LINGO2: variants seen among roughly 807,000 people sequenced by gnomAD.
The protein encoded by LINGO2 is leucine-rich repeat and immunoglobulin-like domain-containing nogo receptor-interacting protein 2.
A neutral mutation model predicts 30.6 loss-of-function variants in LINGO2; 14 were observed. That is an observed-to-expected ratio of 0.46 (90% CI 0.30 to 0.72). The LOEUF is 0.72. Ranked by LOEUF, LINGO2 falls within the 30% of genes least tolerant of loss-of-function variation. LINGO2 has a pLI of 0.07. For missense variants in LINGO2, 729 were observed against 751.7 expected (o/e 0.97, Z 0.35); for synonymous variants, 317 against 288.5 (o/e 1.10, Z -1.00).
chr9:29,013,372 T>C, the LINGO2 span, among the ~76,000 whole-genome samples: 1 of 131,636 alleles, frequency 7.6e-6, no homozygotes, highest in Non-Finnish European at 1.7e-5. Context: ...GAGCATCTAA[T>C]TTAATATTTT....
intron 3 of LINGO2, among the ~76,000 whole-genome samples, chr9:28,348,604 G>A (rs2134427637): frequency 6.6e-6 from 1 of 152,310 alleles, no homozygotes; most frequent in East Asian, 1.9e-4. Context: ...GCTTGATTAG[G>A]TAAACAAAGC....
rs189083803 is a variant in LINGO2, at chr9:28,144,877, T to G, written c.-86-132472A>C. Among the ~76,000 whole-genome samples, 94 of 152,312 alleles carry G rather than the reference T, an allele frequency of 6.2e-4. 1 individual carries two copies. Among genetic ancestry groups the G allele is most frequent in the South Asian group, 2.3e-3 (11 of 4,826 alleles). ...GATTGAGATCAGTGATTGAGTTGCA[T>G]CCCAGTTACAAAAACTGGATGGACT... On this transcript the variant is annotated intron_variant, in intron 4 of 5. Coordinates refer to ENST00000379992, the Ensembl canonical transcript of LINGO2.
At chr9:28,835,908 T>A in the LINGO2 span, among the ~76,000 whole-genome samples, 1 of 152,180 alleles carries the variant, frequency 6.6e-6, no homozygotes, top group Non-Finnish European at 1.5e-5. Flanking sequence ...GTTCTCTACA[T>A]CTCTTTTCTC....
At chr9:29,112,309 T>G in the LINGO2 span, among the ~76,000 whole-genome samples, 2 of 152,060 alleles carry the variant, frequency 1.3e-5, no homozygotes, top group African/African-American at 4.8e-5. Flanking sequence ...TTGGCAGAAG[T>G]GCAATTTTTT....
the LINGO2 span, among the ~76,000 whole-genome samples, chr9:29,044,963 C>A: frequency 6.6e-6 from 1 of 151,832 alleles, no homozygotes; most frequent in Non-Finnish European, 1.5e-5. Flanking sequence ...GTAAATATTT[C>A]TCTCTCTCTT....
intron 4 of LINGO2, among the ~76,000 whole-genome samples, chr9:28,225,868 G>T (rs1821127134): frequency 6.6e-6 from 1 of 152,042 alleles, no homozygotes; most frequent in African/African-American, 2.4e-5. Flanking sequence ...AATTCCATAA[G>T]ATTGAAACAA....
At chr9:28,806,727 A>G in the LINGO2 span, among the ~76,000 whole-genome samples, 16 of 152,116 alleles carry the variant, frequency 1.1e-4, no homozygotes, top group African/African-American at 3.9e-4. Context: ...AACAATATAA[A>G]GATAATGCTT....
chr9:28,796,610 TTAAG>T, the LINGO2 span, among the ~76,000 whole-genome samples: 10 of 152,174 alleles, frequency 6.6e-5, no homozygotes, highest in Admixed American at 2.0e-4. Flanking sequence ...GCATATTTCA[TTAAG>T]TAAGACAAGA....
the LINGO2 span, among the ~76,000 whole-genome samples, chr9:29,106,227 A>C: frequency 1.3e-5 from 2 of 152,142 alleles, no homozygotes; most frequent in African/African-American, 4.8e-5. Context: ...GAATTATCTT[A>C]ATTGGAAATG....
At chr9:28,859,374 T>G in the LINGO2 span, among the ~76,000 whole-genome samples, 6 of 152,052 alleles carry the variant, frequency 3.9e-5, no homozygotes, top group Non-Finnish European at 5.9e-5. Flanking sequence ...TTCTACTAAC[T>G]GCTAATTAGT....
intron 4 of LINGO2, among the ~76,000 whole-genome samples, chr9:28,034,314 G>A (rs1477134029): frequency 2.0e-5 from 3 of 152,164 alleles, no homozygotes; most frequent in Non-Finnish European, 2.9e-5. Context: ...CTTTCTTTTC[G>A]GAATTCTGCT....
At position 28,448,088 on chromosome 9, in the gene LINGO2, C is replaced by T. The variant is rs117672856; in HGVS notation, c.-279+27852G>A. Among the ~76,000 whole-genome samples the T allele has an allele frequency of 3.7e-3, 563 of 152,022 alleles. 1 individual carries two copies. The highest frequency in any genetic ancestry group is 6.8e-3 in the Non-Finnish European group (460 of 67,950). ...CCTAGAGCTGCAAATGAAGGGGGTA[C>T]GTGCAGGGAGAGAGACAGCTAGTCT... is the stretch of plus-strand genomic sequence containing the variant. On this transcript the variant is annotated intron_variant, in intron 2 of 5. Transcript: ENST00000379992.
At chr9:28,937,698 G>C in the LINGO2 span, among the ~76,000 whole-genome samples, 1 of 152,152 alleles carries the variant, frequency 6.6e-6, no homozygotes, top group African/African-American at 2.4e-5. Context: ...CCAGGAAGGA[G>C]ACAGCCTTGC....
rs938469889 is a variant in LINGO2, at chr9:28,130,166, T to G, written c.-86-117761A>C. 5.9e-5 allele frequency among the ~76,000 whole-genome samples: 9 copies of G among 152,236 alleles called. No individual in the cohort carries two copies. The highest frequency in any genetic ancestry group is 2.6e-4 in the Admixed American group (4 of 15,288). Reference sequence around the variant, plus strand: ...ACTTTTCTAGATTTAGAGTTGTGCCTTCATTTTAACCACTGGTTTGAACTC... The same window carrying G: ...ACTTTTCTAGATTTAGAGTTGTGCCGTCATTTTAACCACTGGTTTGAACTC... On this transcript the variant is annotated intron_variant, in intron 4 of 5. Transcript: ENST00000379992. This position sits in a 1 kb window ranked among gnomAD's most constrained non-coding sequence, Gnocchi z 5.2.
chr9:29,054,873 T>C, the LINGO2 span, among the ~76,000 whole-genome samples: 1 of 152,160 alleles, frequency 6.6e-6, no homozygotes, highest in Non-Finnish European at 1.5e-5. Context: ...GATATTTTTC[T>C]TGGATATATT....
At chr9:28,978,293 G>C in the LINGO2 span, among the ~76,000 whole-genome samples, 1 of 152,066 alleles carries the variant, frequency 6.6e-6, no homozygotes. Context: ...TTCTCCCTGG[G>C]GTGGAGTGAG....
intron 2 of LINGO2, among the ~76,000 whole-genome samples, chr9:28,387,520 T>C (rs1821637278): frequency 6.6e-6 from 1 of 152,210 alleles, no homozygotes; most frequent in Non-Finnish European, 1.5e-5. Flanking sequence ...CCTTTTTCTT[T>C]TGCTGTTTGC....
chr9:29,110,355 C>T, the LINGO2 span, among the ~76,000 whole-genome samples: 3 of 152,108 alleles, frequency 2.0e-5, no homozygotes, highest in African/African-American at 4.8e-5. Context: ...TTTTTTGAGA[C>T]GGAGTCTTGC....
At chr9:28,490,660 C>A (rs1177906729) in intron 1 of LINGO2, among the ~76,000 whole-genome samples, 1 of 152,100 alleles carries the variant, frequency 6.6e-6, no homozygotes, top group Non-Finnish European at 1.5e-5. Flanking sequence ...AAGTGTCCTA[C>A]CTAATGGCCA....
Sources: gnomAD v4.1 joint callset for allele counts (sites outside exome capture counted in the v4.1 genomes callset) on GRCh38, gnomAD v4.1.1 for gene constraint, Gnocchi (gnomAD v3.1) non-coding constraint, MANE v1.5 for transcripts, NCBI Gene and HGNC (gene_info 2026-07-23, HGNC 2026-07-21) for gene names.